Variants in DNM3 observed in about 807,000 individuals in gnomAD.
DNM3 encodes the protein dynamin 3, also known as dynamin-3.
In DNM3, 47 loss-of-function variants were observed where a neutral mutation model predicts 101.6. The ratio of observed to expected loss-of-function variants is 0.46; its 90% confidence interval spans 0.37 to 0.59. DNM3 has a LOEUF of 0.59. Among genes scored for constraint, DNM3 ranks in the 20% least tolerant of loss-of-function variants. The pLI is 0.00. For missense variants in DNM3, 849 were observed against 1,085.7 expected, an observed-to-expected ratio of 0.78 and a Z score of 3.06; for synonymous variants, 385 against 387.9, an observed-to-expected ratio of 0.99 and a Z score of 0.09.
At chr1:171,921,842 C>A in intron 2 of DNM3, 21 bp downstream of exon 2, 3 of 1,581,866 alleles carry the variant, frequency 1.9e-6, no homozygotes, top group Non-Finnish European at 1.7e-6. Flanking sequence ...AAGATGTTTA[C>A]CGCATGGATG....
intron 14 of DNM3, among the ~76,000 whole-genome samples, chr1:172,246,877 A>C (rs2061975085): frequency 6.6e-6 from 1 of 152,174 alleles, no homozygotes; most frequent in African/African-American, 2.4e-5. Flanking sequence ...TAATGTCTCC[A>C]GTTTCCCTGC....
At chr1:171,948,084 T>C (rs932498150) in intron 2 of DNM3, among the ~76,000 whole-genome samples, 2 of 152,248 alleles carry the variant, frequency 1.3e-5, no homozygotes, top group Non-Finnish European at 2.9e-5. Context: ...CCATCTTCAG[T>C]AAGTTCGGAG....
Position 172,324,138 on chromosome 1 carries a change from G to A in DNM3, c.1893+798G>A, listed in dbSNP as rs530164008. Among the ~76,000 whole-genome samples, 6 of 152,310 alleles carry A rather than the reference G, an allele frequency of 3.9e-5. No individual in the cohort carries two copies. In the South Asian group the frequency reaches 1.2e-3, roughly 32 times the overall value. On this transcript the variant is annotated intron_variant, in intron 17 of 20. Coordinates refer to ENST00000627582, the MANE Select transcript of DNM3 (RefSeq NM_015569.5). ...GAAATGTAATAGTAATGTAGTTTGAGAAGATGGTCTTACGTTTAGTTGGGC... is the reference window on the plus strand; with the variant it reads ...GAAATGTAATAGTAATGTAGTTTGAAAAGATGGTCTTACGTTTAGTTGGGC...
chr1:171,962,616 C>T lies in DNM3; in HGVS notation c.236-25040C>T, dbSNP rs2043292177. Among the ~76,000 whole-genome samples the T allele has an allele frequency of 2.0e-5, 3 of 152,078 alleles. No individual in the cohort carries two copies. In the South Asian group the frequency reaches 6.2e-4, roughly 32 times the overall value. On this transcript the variant is annotated intron_variant, in intron 2 of 20. Transcript: ENST00000627582. Reference sequence around the variant, plus strand: ...CAGATAGCCATCTTCATTCCATGACCTCATGTGGTAGAGAGAAAGCAAGAG... The same window carrying T: ...CAGATAGCCATCTTCATTCCATGACTTCATGTGGTAGAGAGAAAGCAAGAG...
At chr1:172,087,858 C>A (rs910544802) in intron 12 of DNM3, among the ~76,000 whole-genome samples, 1 of 152,180 alleles carries the variant, frequency 6.6e-6, no homozygotes, top group Admixed American at 6.5e-5. Flanking sequence ...TAATCTGTAT[C>A]TTGTTTACCT....
chr1:172,070,921 C>G (rs2052114958), intron 11 of DNM3, among the ~76,000 whole-genome samples: 1 of 151,050 alleles, frequency 6.6e-6, no homozygotes, highest in Non-Finnish European at 1.5e-5. Context: ...AACCCTCTCT[C>G]TACAAAATAT....
chr1:172,003,847 T>A (rs2046503741), intron 4 of DNM3, among the ~76,000 whole-genome samples: 2 of 151,578 alleles, frequency 1.3e-5, no homozygotes, highest in Admixed American at 1.3e-4. Context: ...TGTAAGACAT[T>A]TGGGGAGAAA....
At position 172,379,437 on chromosome 1, in the gene DNM3, T is replaced by C. The variant is rs559334534; in HGVS notation, c.2058+255T>C. ...TAGAAGAGTGTGAGTTTGCTCACAA[T>C]AAAGCAAAACAAAAACACCATAATC... On this transcript the variant is annotated intron_variant, in intron 18 of 20. Transcript: ENST00000627582. Among the ~76,000 whole-genome samples, 325 of 152,084 alleles carry C rather than the reference T, an allele frequency of 2.1e-3. 1 individual carries two copies. Among genetic ancestry groups the C allele is most frequent in the African/African-American group, 7.2e-3 (300 of 41,520 alleles).
chr1:172,283,307 C>T (rs61612993), intron 15 of DNM3, among the ~76,000 whole-genome samples: 1,861 of 152,188 alleles, frequency 0.012, 33 homozygotes, highest in African/African-American at 0.042. Context: ...TGTGCCCCAC[C>T]TCTTTATTTA....
chr1:171,955,929 T>C (rs2042825951), intron 2 of DNM3, among the ~76,000 whole-genome samples: 1 of 152,084 alleles, frequency 6.6e-6, no homozygotes, highest in East Asian at 1.9e-4. Flanking sequence ...CTCCCCTTTA[T>C]AAAATGATCA....
chr1:172,414,764 A>AAG (rs1191893340), downstream of DNM3, among the ~76,000 whole-genome samples: 2 of 150,338 alleles, frequency 1.3e-5, no homozygotes, highest in East Asian at 3.9e-4. Context: ...AAAAAAAAAA[A>AAG]AAAAAAGTTG....
intron 17 of DNM3, among the ~76,000 whole-genome samples, chr1:172,326,276 T>C (rs567799297): frequency 1.1e-4 from 17 of 152,182 alleles, no homozygotes; most frequent in Non-Finnish European, 2.5e-4. Context: ...TTACTTATTT[T>C]TCCCTTTGAA....
Position 172,407,981 on chromosome 1 carries a change from C to T in DNM3, c.*140C>T. On this transcript the variant is annotated 3_prime_UTR_variant, in exon 21 of 21. Transcript: ENST00000627582. Reference sequence around the variant, plus strand: ...ACCAGTTTTACTAATGCATTCATCGCTCATCTTCATTGCTCATGGTATGTC... The same window carrying T: ...ACCAGTTTTACTAATGCATTCATCGTTCATCTTCATTGCTCATGGTATGTC... The T allele has an allele frequency of 6.5e-7, 1 of 1,527,864 alleles. No individual in the cohort carries two copies. The highest frequency in any genetic ancestry group is 1.2e-5 in the South Asian group (1 of 81,232). 94.6% of individuals were successfully genotyped at this position (1,527,864 alleles called of 1,614,324 possible). A position where few individuals can be genotyped will look rare whatever the true frequency, so the allele number is the denominator to read the frequency against.
At chr1:172,342,587 CAG>C (rs934943837) in intron 17 of DNM3, among the ~76,000 whole-genome samples, 3 of 152,104 alleles carry the variant, frequency 2.0e-5, no homozygotes, top group African/African-American at 7.2e-5. Flanking sequence ...AGAGAAACAA[CAG>C]ACACTGGGGC....
chr1:171,904,843 T>G (rs529560182), intron 1 of DNM3, among the ~76,000 whole-genome samples: 201 of 152,158 alleles, frequency 1.3e-3, no homozygotes, highest in Non-Finnish European at 2.2e-3. Context: ...GCATGGAGGG[T>G]AAGCAGTGAA....
At chr1:172,027,156 A>G (rs2048263450) in intron 4 of DNM3, among the ~76,000 whole-genome samples, 1 of 152,226 alleles carries the variant, frequency 6.6e-6, no homozygotes, top group Non-Finnish European at 1.5e-5. Context: ...CAAATTGTAA[A>G]GACTATTGAC....
At chr1:172,335,208 C>A (rs559846224) in intron 17 of DNM3, among the ~76,000 whole-genome samples, 1 of 152,058 alleles carries the variant, frequency 6.6e-6, no homozygotes, top group African/African-American at 2.4e-5. Flanking sequence ...ATAAGACAGT[C>A]GAAGCTAAAC....
intron 4 of DNM3, among the ~76,000 whole-genome samples, chr1:171,995,101 T>G (rs1441151064): frequency 5.8e-4 from 82 of 142,404 alleles, no homozygotes; most frequent in African/African-American, 1.6e-3. Flanking sequence ...TCCAGGTTTT[T>G]TTTTTTTTTT....
chr1:172,135,139 A>G (rs2057145516), intron 14 of DNM3, among the ~76,000 whole-genome samples: 1 of 152,144 alleles, frequency 6.6e-6, no homozygotes, highest in Admixed American at 6.5e-5. Flanking sequence ...TTTGATAAAA[A>G]TGAACGGATT....
Sources: gnomAD v4.1 joint callset for allele counts (sites outside exome capture counted in the v4.1 genomes callset) on GRCh38, gnomAD v4.1.1 for gene constraint, MANE v1.5 for transcripts, NCBI Gene and HGNC (gene_info 2026-07-23, HGNC 2026-07-21) for gene names.